The following TECR variants were observed in gnomAD, a reference collection of about 807,000 sequenced individuals.
The protein encoded by TECR is very-long-chain enoyl-CoA reductase.
Under a neutral mutation model 50.6 loss-of-function variants are expected in TECR, and 19 were observed. That is an observed-to-expected ratio of 0.38 (90% CI 0.26 to 0.55). The LOEUF (loss-of-function observed/expected upper bound fraction) is 0.55, where lower values mean the gene tolerates loss of function less well. Ranked by LOEUF, TECR falls within the 20% of genes least tolerant of loss-of-function variation. The probability of loss-of-function intolerance (pLI) is 0.79; values close to 1 mark genes in which losing one functional copy is unlikely to be tolerated. For missense variants in TECR, 313 were observed against 408.3 expected, an observed-to-expected ratio of 0.77 and a Z score of 2.01; for synonymous variants, 168 against 163.5, an observed-to-expected ratio of 1.03 and a Z score of -0.21.
intron 7 of TECR, 59 bp from the exon 8 acceptor site, chr19:14,564,727 G>A: frequency 1.3e-6 from 2 of 1,533,648 alleles, no homozygotes; most frequent in South Asian, 1.1e-5. Context: ...TGAGACATGG[G>A]CAGCATCTGC....
intron 1 of TECR, among the ~76,000 whole-genome samples, chr19:14,533,435 A>G (rs978220929): frequency 2.6e-5 from 4 of 152,140 alleles, no homozygotes; most frequent in Non-Finnish European, 4.4e-5. Flanking sequence ...AAAAAAAGAA[A>G]AAAATCTATT....
chr19:14,549,721 G>A (rs1475613106), intron 1 of TECR, among the ~76,000 whole-genome samples: 2 of 151,998 alleles, frequency 1.3e-5, no homozygotes, highest in African/African-American at 4.8e-5. Flanking sequence ...TAGGCGGGCA[G>A]ATCACGAGGT....
chr19:14,555,931 C>T (rs2073706060), intron 1 of TECR, among the ~76,000 whole-genome samples: 4 of 152,092 alleles, frequency 2.6e-5, no homozygotes, highest in African/African-American at 7.2e-5. Context: ...CAGCTTCTGC[C>T]CTCACTCCTC....
chr19:14,555,438 CTTTTTTTTTTTTT>C (rs747503834), intron 1 of TECR, among the ~76,000 whole-genome samples: 3 of 92,882 alleles, frequency 3.2e-5, no homozygotes, highest in East Asian at 6.5e-4. Context: ...TTTATTTATT[CTTTTTTTTTTTTT>C]TTTTTTTTTT....
intron 7 of TECR, 103 bp downstream of exon 7, chr19:14,564,390 G>T: frequency 6.6e-6 from 6 of 908,448 alleles, no homozygotes; most frequent in Non-Finnish European, 9.7e-6. Flanking sequence ...CTGCCACTAC[G>T]CCCCAGCAGA....
intron 1 of TECR, among the ~76,000 whole-genome samples, chr19:14,537,180 A>T (rs994491455): frequency 1.3e-5 from 1 of 74,370 alleles, no homozygotes; most frequent in East Asian, 5.6e-4. Context: ...CCGGGGGGGA[A>T]GGGGAGGCCG....
At position 14,529,650 on chromosome 19, in the gene TECR, G is replaced by C; in HGVS notation, c.-47G>C. The C allele has an allele frequency of 1.9e-6, 3 of 1,613,764 alleles. No individual in the cohort carries two copies. The highest frequency in any genetic ancestry group is 2.5e-6 in the Non-Finnish European group (3 of 1,179,926). On this transcript the variant is annotated 5_prime_UTR_variant, in exon 1 of 13. Transcript: ENST00000215567. ...TAGGGAGCCTGTGCTGTGCCGCGCA[G>C]TTAGGCAGCAGCAGCCGCGGAGCAG...
At chr19:14,557,748 G>A (rs931848101) in intron 1 of TECR, among the ~76,000 whole-genome samples, 3 of 145,590 alleles carry the variant, frequency 2.1e-5, no homozygotes, top group African/African-American at 5.1e-5. Context: ...CACCGTGCCC[G>A]GTCATCATAT....
chr19:14,552,924 G>C (rs556610226), intron 1 of TECR, among the ~76,000 whole-genome samples: 2 of 151,986 alleles, frequency 1.3e-5, no homozygotes, highest in African/African-American at 4.8e-5. Flanking sequence ...TAGATGTCAC[G>C]TCTGAATGAA....
At chr19:14,543,362 T>C (rs1479358755) in intron 1 of TECR, among the ~76,000 whole-genome samples, 3 of 138,872 alleles carry the variant, frequency 2.2e-5, no homozygotes, top group African/African-American at 5.4e-5. Flanking sequence ...AAACAGTGTA[T>C]TGCCTGTATA....
chr19:14,542,026 G>A (rs970314287), intron 1 of TECR, among the ~76,000 whole-genome samples: 53 of 151,906 alleles, frequency 3.5e-4, no homozygotes, highest in African/African-American at 1.3e-3. Context: ...CAAGTGATCC[G>A]CCCACCTCGG....
intron 1 of TECR, among the ~76,000 whole-genome samples, chr19:14,549,937 TG>T (rs1392402073): frequency 1.3e-5 from 2 of 151,238 alleles, no homozygotes. Context: ...AGTGAGACTC[TG>T]TCTCAAAAAA....
At chr19:14,561,368 C>T (rs1223840706) in intron 1 of TECR, among the ~76,000 whole-genome samples, 1 of 152,152 alleles carries the variant, frequency 6.6e-6, no homozygotes, top group East Asian at 1.9e-4. Context: ...GCCACGACCC[C>T]TGTATAATAG....
intron 1 of TECR, among the ~76,000 whole-genome samples, chr19:14,553,671 A>G (rs1384603139): frequency 6.6e-6 from 1 of 152,146 alleles, no homozygotes; most frequent in Non-Finnish European, 1.5e-5. Flanking sequence ...GCCGGAGTCC[A>G]GATGAATGTG....
chr19:14,534,423 C>CTT (rs756051119), intron 1 of TECR, among the ~76,000 whole-genome samples: 914 of 52,486 alleles, frequency 0.017, 302 homozygotes, highest in African/African-American at 0.075. Context: ...CATGCCTGGC[C>CTT]TTTTTTTTTT....
rs376490364 is a variant in TECR at position 14,530,397 on chromosome 19, C to G, written c.15+686C>G. The G allele has an allele frequency of 2.0e-5, 3 of 152,356 alleles. No homozygotes were observed. In the East Asian group the frequency reaches 5.8e-4, roughly 29 times the overall value. The allele number at this position is 152,356 out of a possible 1,614,324, so 9.4% of individuals were successfully genotyped here. A position where few individuals can be genotyped will look rare whatever the true frequency, so the allele number is the denominator to read the frequency against. Reference sequence around the variant, plus strand: ...ACGAAGTCTTCTGATGTGCTTATCGCCCTAGGTGATAATATAATATTAATA... The same window carrying G: ...ACGAAGTCTTCTGATGTGCTTATCGGCCTAGGTGATAATATAATATTAATA... On this transcript the variant is annotated intron_variant, in intron 1 of 12. Transcript: ENST00000215567.
intron 1 of TECR, among the ~76,000 whole-genome samples, chr19:14,534,675 G>T (rs936501471): frequency 1.3e-5 from 2 of 152,080 alleles, no homozygotes; most frequent in African/African-American, 4.8e-5. Flanking sequence ...GGGCTCAAGC[G>T]ATCCTCCTGC....
At chr19:14,530,161 G>C in intron 1 of TECR, 1 of 199,922 alleles carries the variant, frequency 5.0e-6, no homozygotes, top group South Asian at 7.1e-5. Flanking sequence ...TCCCTCGCCC[G>C]GGACGTTCCC....
intron 1 of TECR, among the ~76,000 whole-genome samples, chr19:14,539,195 C>T (rs1007632338): frequency 2.3e-5 from 3 of 130,684 alleles, no homozygotes; most frequent in Non-Finnish European, 3.1e-5. Flanking sequence ...GAAGTTTTAC[C>T]GTGTTAGCCA....
Sources: gnomAD v4.1 joint callset for allele counts (sites outside exome capture counted in the v4.1 genomes callset) on GRCh38, gnomAD v4.1.1 for gene constraint, MANE v1.5 for transcripts, NCBI Gene and HGNC (gene_info 2026-07-23, HGNC 2026-07-21) for gene names.